Variants in BICRAL observed in about 807,000 individuals in gnomAD.
The protein encoded by BICRAL is BICRA like chromatin remodeling complex associated protein, also known as BRD4-interacting chromatin-remodeling complex-associated protein-like.
A neutral mutation model predicts 91.8 loss-of-function variants in BICRAL; 8 were observed. The ratio of observed to expected loss-of-function variants is 0.09; its 90% CI spans 0.05 to 0.16. The LOEUF (loss-of-function observed/expected upper bound fraction) is 0.16. BICRAL is among the 10% of genes least tolerant of loss of function. The probability of loss-of-function intolerance (pLI) is 1.00; values close to 1 mark genes in which losing one functional copy is unlikely to be tolerated. For missense variants in BICRAL, 1,038 were observed against 1,310.9 expected (o/e 0.79, Z 3.21); for synonymous variants, 445 against 491.1 (o/e 0.91, Z 1.24).
chr6:42,757,679 G>A (rs958042642), intron 1 of BICRAL, among the ~76,000 whole-genome samples: 3 of 152,160 alleles, frequency 2.0e-5, no homozygotes, highest in African/African-American at 4.8e-5. Flanking sequence ...GAGCCACCGC[G>A]CCCAGCCTGT....
chr6:42,775,182 G>A (rs1582808311), intron 1 of BICRAL, among the ~76,000 whole-genome samples: 1 of 152,146 alleles, frequency 6.6e-6, no homozygotes, highest in South Asian at 2.1e-4. Context: ...TGATCCGCCC[G>A]CTTCAGCTTC....
chr6:42,826,441 G>A (rs189295136), intron 5 of BICRAL, among the ~76,000 whole-genome samples: 21 of 151,912 alleles, frequency 1.4e-4, no homozygotes, highest in Non-Finnish European at 7.4e-5. Context: ...CACCCAGTTG[G>A]CCAGGCTGGT....
intron 1 of BICRAL, among the ~76,000 whole-genome samples, chr6:42,807,404 C>T (rs1763738498): frequency 1.3e-5 from 2 of 151,190 alleles, no homozygotes; most frequent in Non-Finnish European, 1.5e-5. Flanking sequence ...AGGATGGTCT[C>T]GATCTCCTGA....
chr6:42,812,538 A>C (rs1195390420), intron 2 of BICRAL, among the ~76,000 whole-genome samples: 1 of 151,822 alleles, frequency 6.6e-6, no homozygotes, highest in African/African-American at 2.4e-5. Flanking sequence ...ACAACAAAGC[A>C]AAAAAAAATT....
rs769165870 is a variant in BICRAL, at chr6:42,830,061, G to A, written c.1728G>A (p.Arg576=). Residue 576 remains arginine (R), a synonymous_variant, in exon 6 of 13, where the codon AGG becomes AGA. Coordinates refer to ENST00000314073, the MANE Select transcript of BICRAL (RefSeq NM_001393499.1). ...GAGATCAGCTGACCCAGCCAAACAG[G>A]ACTCCAGTACCAGTCAGTGTGTCTC... The part of the protein sequence containing the change: ...FTGDQLTQPN[R]TPVPVSVSHR... The A allele has an allele frequency of 1.2e-6, 2 of 1,614,166 alleles. No individual in the cohort carries two copies. Among genetic ancestry groups the A allele is most frequent in the Admixed American group, 1.7e-5 (1 of 60,008 alleles).
At chr6:42,852,357 G>A (rs778494706) in intron 7 of BICRAL, 160 bp downstream of exon 7, 9 of 703,580 alleles carry the variant, frequency 1.3e-5, no homozygotes, top group Middle Eastern at 2.3e-4. Context: ...ATACTGTGTT[G>A]CATCAACTCT....
At position 42,764,722 on chromosome 6, in the gene BICRAL, G is replaced by A. The variant is rs757521125; in HGVS notation, c.-260-17117G>A. ...CACCCAGGCTGGAATGCAGTGGTGC[G>A]ATCTCAGCTCACTTGCAAGCTCTGC... On this transcript the variant is annotated intron_variant, in intron 1 of 14. Transcript: ENST00000614467. Among the ~76,000 whole-genome samples, 3 of 151,966 alleles carry A rather than the reference G, an allele frequency of 2.0e-5. No individual in the cohort carries two copies. In the South Asian group the frequency reaches 6.2e-4, roughly 32 times the overall value.
chr6:42,828,897 T>C lies in BICRAL; in HGVS notation c.564T>C (p.Phe188=), dbSNP rs1466592802. ...ASNTVGVQHG[F]MQHVGISVPS... ...ATACAGTGGGTGTACAACATGGCTT[T>C]ATGCAACATGTGGGGATCAGTGTTC... The change falls in exon 6 of 13, where the codon TTT becomes TTC. Residue 188 remains phenylalanine (F), a synonymous_variant. Transcript: ENST00000314073. The C allele has an allele frequency of 1.2e-6, 2 of 1,614,154 alleles. No individual in the cohort carries two copies. Among genetic ancestry groups the C allele is most frequent in the East Asian group, 2.2e-5 (1 of 44,894 alleles).
intron 6 of BICRAL, among the ~76,000 whole-genome samples, chr6:42,836,317 T>C (rs1317655803): frequency 6.6e-6 from 1 of 152,112 alleles, no homozygotes; most frequent in African/African-American, 2.4e-5. Flanking sequence ...AAATACCTTT[T>C]TCTCTCTGAC....
chr6:42,854,261 C>T (rs1157509115), intron 8 of BICRAL, among the ~76,000 whole-genome samples: 1 of 152,136 alleles, frequency 6.6e-6, no homozygotes, highest in Non-Finnish European at 1.5e-5. Flanking sequence ...TGCAGTAGTG[C>T]AATCACAGCT....
chr6:42,862,940 C>G (rs1427077210), intron 12 of BICRAL, among the ~76,000 whole-genome samples: 3 of 152,070 alleles, frequency 2.0e-5, no homozygotes, highest in African/African-American at 7.2e-5. Flanking sequence ...CATCAAAGCT[C>G]TATTTCACTT....
chr6:42,809,340 C>A (rs1001928494), intron 1 of BICRAL, among the ~76,000 whole-genome samples: 4 of 151,852 alleles, frequency 2.6e-5, no homozygotes, highest in Non-Finnish European at 5.9e-5. Context: ...GGAATTAAAG[C>A]AGTTTAAAGA....
At chr6:42,806,823 A>ATGTT (rs548327246) in intron 1 of BICRAL, among the ~76,000 whole-genome samples, 57 of 149,238 alleles carry the variant, frequency 3.8e-4, no homozygotes, top group African/African-American at 8.4e-4. Flanking sequence ...CTGGTATTTC[A>ATGTT]TGTTTGTTTG....
At chr6:42,807,702 A>G (rs1763746731) in intron 1 of BICRAL, among the ~76,000 whole-genome samples, 1 of 151,576 alleles carries the variant, frequency 6.6e-6, no homozygotes, top group Admixed American at 6.6e-5. Flanking sequence ...GCTACTCGGT[A>G]GGCTGAGGCA....
chr6:42,749,483 T>C (rs902025285), intron 1 of BICRAL, among the ~76,000 whole-genome samples: 3 of 152,180 alleles, frequency 2.0e-5, no homozygotes, highest in Non-Finnish European at 4.4e-5. Flanking sequence ...AGTAGCCTAA[T>C]TCGAGTTAAC....
chr6:42,749,054 T>G (rs1019132204), intron 1 of BICRAL, among the ~76,000 whole-genome samples: 5 of 152,314 alleles, frequency 3.3e-5, no homozygotes, highest in African/African-American at 1.2e-4. Flanking sequence ...AAGGTACTGC[T>G]CTCTTGTAGA....
chr6:42,847,653 G>C (rs556284780), intron 6 of BICRAL, among the ~76,000 whole-genome samples: 1 of 152,186 alleles, frequency 6.6e-6, no homozygotes, highest in Non-Finnish European at 1.5e-5. Flanking sequence ...GGCCAGGCAC[G>C]GTGACTCACA....
At chr6:42,857,614 A>AAAAAATAT in intron 10 of BICRAL, among the ~76,000 whole-genome samples, 3,290 of 95,622 alleles carry the variant, frequency 0.034, 75 homozygotes, top group African/African-American at 0.042. Context: ...AAAAAAAAAA[A>AAAAAATAT]ATATATATAT....
In BICRAL at chr6:42,861,266, C is replaced by T. The variant is rs186564571; in HGVS notation, c.2349+910C>T. Among the ~76,000 whole-genome samples, 148 of 152,198 alleles carry T rather than the reference C, an allele frequency of 9.7e-4. 1 individual carries two copies. The highest frequency in any genetic ancestry group is 3.4e-3 in the Middle Eastern group (1 of 294). On this transcript the variant is annotated intron_variant, in intron 11 of 12. Coordinates refer to ENST00000314073, the MANE Select transcript of BICRAL (RefSeq NM_001393499.1). ...GTTCAGAGTTGCAGTGAGCCGAGAT[C>T]GCACCACTGTACTCCAGCCTGGGTG...
Sources: gnomAD v4.1 joint callset for allele counts (sites outside exome capture counted in the v4.1 genomes callset) on GRCh38, gnomAD v4.1.1 for gene constraint, MANE v1.5 for transcripts, NCBI Gene and HGNC (gene_info 2026-07-23, HGNC 2026-07-21) for gene names.